Variants in AKAP11 observed in about 807,000 individuals in gnomAD.
AKAP11 encodes the protein A-kinase anchor protein 11.
Under a neutral mutation model 146.1 loss-of-function variants are expected in AKAP11, and 36 were observed. The ratio of observed to expected loss-of-function variants is 0.25; its 90% CI spans 0.19 to 0.33. The LOEUF (loss-of-function observed/expected upper bound fraction) is 0.33, where lower values mean the gene tolerates loss of function less well. Among genes scored for constraint, AKAP11 ranks in the 10% least tolerant of loss-of-function variants. The pLI is 1.00. For missense variants in AKAP11, 2,201 were observed against 2,197.0 expected (o/e 1.00, Z -0.04); for synonymous variants, 780 against 786.5 (o/e 0.99, Z 0.14).
chr13:42,318,441 T>A (rs1427287921), intron 12 of AKAP11, among the ~76,000 whole-genome samples: 3 of 152,198 alleles, frequency 2.0e-5, no homozygotes, highest in African/African-American at 7.2e-5. Context: ...TTAAAGTAGT[T>A]TTTCAGAATT....
At chr13:42,307,918 T>C (rs1360215125) in intron 8 of AKAP11, among the ~76,000 whole-genome samples, 1 of 152,154 alleles carries the variant, frequency 6.6e-6, no homozygotes, top group Non-Finnish European at 1.5e-5. Flanking sequence ...TTTCTTGTGA[T>C]GATGGAATAA....
chr13:42,300,190 G>T lies in AKAP11; in HGVS notation c.1444G>T (p.Asp482Tyr). Residue 482 changes from aspartate (D) to tyrosine (Y), a missense_variant, in exon 8 of 13, where the codon GAT (aspartate) becomes TAT (tyrosine). Around this residue, in one of 3 missense-constraint regions of AKAP11, gnomAD observed 1,867 missense variants for 1,833.5 expected, o/e 1.02. Coordinates refer to ENST00000025301, the MANE Select transcript of AKAP11 (RefSeq NM_016248.4). ...TGGAGATAGGATTCATGAAAATCAT[G>T]ATTCTGTTTATTACACCTATGAAGA... ...IGGDRIHENHDSVYYTYEDYA... is the reference protein window; with the variant it reads ...IGGDRIHENHYSVYYTYEDYA... The T allele has an allele frequency of 6.2e-7, 1 of 1,613,886 alleles. No individual in the cohort carries two copies. The highest frequency in any genetic ancestry group is 8.5e-7 in the Non-Finnish European group (1 of 1,179,866).
chr13:42,306,188 A>C (rs1960249087), intron 8 of AKAP11, among the ~76,000 whole-genome samples: 1 of 152,232 alleles, frequency 6.6e-6, no homozygotes, highest in Non-Finnish European at 1.5e-5. Context: ...TAATAAACAT[A>C]ATAAATTGTT....
At chr13:42,293,442 A>G (rs1959311614) in intron 4 of AKAP11, among the ~76,000 whole-genome samples, 1 of 152,188 alleles carries the variant, frequency 6.6e-6, no homozygotes, top group Non-Finnish European at 1.5e-5. Flanking sequence ...AGATGAGCAT[A>G]TGTTTTAGGC....
In AKAP11 at chr13:42,298,541, T is replaced by A. The variant is rs1959646078; in HGVS notation, c.360T>A (p.Pro120=). The A allele has an allele frequency of 1.2e-6, 2 of 1,607,646 alleles. No individual in the cohort carries two copies. The highest frequency in any genetic ancestry group is 1.7e-6 in the Non-Finnish European group (2 of 1,178,092). The change falls in exon 7 of 13, where the codon CCT becomes CCA. Residue 120 remains proline, a synonymous_variant. Transcript: ENST00000025301. ...ISSDPLNQSH[P]SGMLCVMRVS... Reference sequence around the variant, plus strand: ...CTTTTATCTTTCCCAAGAGTCATCCTTCTGGAATGCTTTGTGTCATGAGAG... The same window carrying A: ...CTTTTATCTTTCCCAAGAGTCATCCATCTGGAATGCTTTGTGTCATGAGAG...
In AKAP11 at chr13:42,319,260, T is replaced by C. The variant is rs1236302858; in HGVS notation, c.*32T>C. ...CCCCAAACCAGTATATTTTAGTATTTGTTTGGGGAGGGGAACAAGCCAATA... is the reference window on the plus strand; with the variant it reads ...CCCCAAACCAGTATATTTTAGTATTCGTTTGGGGAGGGGAACAAGCCAATA... On this transcript the variant is annotated 3_prime_UTR_variant, in exon 13 of 13. Coordinates refer to ENST00000025301, the MANE Select transcript of AKAP11 (RefSeq NM_016248.4). 1.9e-6 allele frequency: 3 copies of C among 1,601,494 alleles called. No individual in the cohort carries two copies. The highest frequency in any genetic ancestry group is 1.3e-5 in the African/African-American group (1 of 74,532).
intron 1 of AKAP11, among the ~76,000 whole-genome samples, chr13:42,283,139 A>G (rs1959098563): frequency 6.6e-6 from 1 of 152,166 alleles, no homozygotes; most frequent in African/African-American, 2.4e-5. Flanking sequence ...AGTATGTCAT[A>G]TCATCTCATA....
In AKAP11 at chr13:42,300,421, GA is replaced by G; in HGVS notation, c.1681del (p.Ser561ValfsTer23). ...TCAAAAATTTGCAGCAGATCTTGTG[GA>G]AAAAAGTTTTGGCAGTGCATTTAAA... ...SIQKFAADLVEKSFGSAFKDL... is the reference protein window; with the variant it reads ...SIQKFAADLVXKSFGSAFKDL... On this transcript the variant is annotated frameshift_variant, in exon 8 of 13. Coordinates refer to ENST00000025301, the MANE Select transcript of AKAP11 (RefSeq NM_016248.4). LOFTEE classifies it high-confidence loss of function. 6.2e-7 allele frequency: 1 copy of G among 1,613,088 alleles called. No individual in the cohort carries two copies. The highest frequency in any genetic ancestry group is 1.1e-5 in the South Asian group (1 of 90,568).
At chr13:42,292,642 G>A (rs908162837) in intron 4 of AKAP11, 141 bp downstream of exon 4, 74 of 459,138 alleles carry the variant, frequency 1.6e-4, no homozygotes, top group African/African-American at 1.3e-3. Context: ...CTGTTTTGTG[G>A]GCGGGAGAGG....
intron 1 of AKAP11, among the ~76,000 whole-genome samples, chr13:42,278,384 A>G (rs544852315): frequency 5.3e-5 from 8 of 152,330 alleles, no homozygotes; most frequent in East Asian, 1.9e-4. Flanking sequence ...AAAGGAACTT[A>G]GCTTCCTTAT....
chr13:42,304,461 C>T (rs750754624), intron 8 of AKAP11, among the ~76,000 whole-genome samples: 3 of 152,194 alleles, frequency 2.0e-5, no homozygotes, highest in Non-Finnish European at 4.4e-5. Context: ...CAGACATCCA[C>T]TGGGTGTCTT....
At chr13:42,276,564 T>C (rs370819651) in intron 1 of AKAP11, among the ~76,000 whole-genome samples, 10 of 152,220 alleles carry the variant, frequency 6.6e-5, no homozygotes, top group Non-Finnish European at 1.2e-4. Flanking sequence ...TATTCCTATG[T>C]TGATATAAAA....
At position 42,300,489 on chromosome 13, in the gene AKAP11, C is replaced by T. The variant is rs1959804479; in HGVS notation, c.1743C>T (p.Tyr581=). ...TCTCTTCATGTACCAATGCTTTGTA[C>T]CACTTAGCCATCAAATTGACATCAT... ...KGVSSCTNAL[Y]HLAIKLTSSV... The change falls in exon 8 of 13, where the codon TAC becomes TAT. Residue 581 remains tyrosine, a synonymous_variant. Transcript: ENST00000025301. 1.2e-6 allele frequency: 2 copies of T among 1,614,054 alleles called. No individual in the cohort carries two copies. Among genetic ancestry groups the T allele is most frequent in the Admixed American group, 1.7e-5 (1 of 60,004 alleles).
intron 1 of AKAP11, among the ~76,000 whole-genome samples, chr13:42,278,024 T>C (rs532286985): frequency 6.6e-6 from 1 of 152,338 alleles, no homozygotes; most frequent in East Asian, 1.9e-4. Context: ...TTTTGGTTAC[T>C]GCAACTGAGT....
At chr13:42,305,020 G>A (rs1960178842) in intron 8 of AKAP11, among the ~76,000 whole-genome samples, 1 of 152,082 alleles carries the variant, frequency 6.6e-6, no homozygotes, top group South Asian at 2.1e-4. Flanking sequence ...CAAAGTGCTG[G>A]GATCACAGGC....
chr13:42,306,743 T>G (rs1484559936), intron 8 of AKAP11, among the ~76,000 whole-genome samples: 1 of 152,238 alleles, frequency 6.6e-6, no homozygotes, highest in Admixed American at 6.5e-5. Flanking sequence ...CCTTTTTGTT[T>G]GATTCATGAA....
chr13:42,284,206 A>G (rs778738556), intron 1 of AKAP11, among the ~76,000 whole-genome samples: 23 of 152,252 alleles, frequency 1.5e-4, no homozygotes, highest in Non-Finnish European at 4.4e-5. Context: ...CACTTGGTGC[A>G]TTATGAGCCC....
chr13:42,316,908 A>G (rs9533062), intron 11 of AKAP11, among the ~76,000 whole-genome samples: 20,893 of 152,078 alleles, frequency 0.14, 1,509 homozygotes, highest in South Asian at 0.2. Flanking sequence ...TTTTGGGACA[A>G]AGTCTTGCTC....
Position 42,297,153 on chromosome 13 carries a change from T to G in AKAP11, c.322T>G (p.Leu108Val), listed in dbSNP as rs781488709. 3.9e-6 allele frequency: 6 copies of G among 1,556,932 alleles called. No individual in the cohort carries two copies. Residue 108 changes from leucine (L) to valine (V), a missense_variant, in exon 6 of 13, where the codon TTA (leucine) becomes GTA (valine). Physicochemically the swap from Leu to Val is conservative, Grantham distance 32 (BLOSUM62 1). Transcript: ENST00000025301. ...IICMKNINKP[L>V]DISSDPLNQS... ...TTGTATGAAGAATATAAATAAACCATTAGATATAAGCAGTGATCCTCTAAA... is the reference window on the plus strand; with the variant it reads ...TTGTATGAAGAATATAAATAAACCAGTAGATATAAGCAGTGATCCTCTAAA...
Sources: gnomAD v4.1 joint callset for allele counts (sites outside exome capture counted in the v4.1 genomes callset) on GRCh38, gnomAD v4.1.1 for gene constraint, gnomAD v4.1.1 regional missense constraint, MANE v1.5 for transcripts, NCBI Gene and HGNC (gene_info 2026-07-23, HGNC 2026-07-21) for gene names.